Variants in TLL2 observed in about 807,000 individuals in gnomAD.
TLL2 encodes tolloid like 2.
Under a neutral mutation model 123.0 loss-of-function variants are expected in TLL2, and 106 were observed. That is an observed-to-expected ratio of 0.86 (90% confidence interval 0.74 to 1.01). TLL2 has a LOEUF of 1.01. TLL2 is among the 50% of genes least tolerant of loss of function. The pLI is 0.00. For synonymous variants in TLL2, 494 were observed against 516.8 expected, an observed-to-expected ratio of 0.96 and a Z score of 0.60; for missense variants, 1,332 against 1,336.7, an observed-to-expected ratio of 1.00 and a Z score of 0.06.
intron 3 of TLL2, among the ~76,000 whole-genome samples, chr10:96,435,318 T>G (rs192809641): frequency 1.2e-4 from 19 of 152,206 alleles, no homozygotes; most frequent in Admixed American, 7.9e-4. Context: ...GGCATGAGGC[T>G]CTTTTATTGT....
intron 10 of TLL2, among the ~76,000 whole-genome samples, chr10:96,402,585 A>G (rs1846406683): frequency 1.3e-5 from 2 of 152,266 alleles, no homozygotes; most frequent in African/African-American, 4.8e-5. Flanking sequence ...TAGGCAGGAA[A>G]CAGAAATCCA....
chr10:96,483,326 G>C (rs1047421370), intron 1 of TLL2, among the ~76,000 whole-genome samples: 2 of 152,178 alleles, frequency 1.3e-5, no homozygotes, highest in African/African-American at 4.8e-5. Flanking sequence ...AAAATGAATG[G>C]AGAGCTACTG....
rs1847307885 is a variant in TLL2 at position 96,481,097 on chromosome 10, T to C, written c.176-638A>G. On this transcript the variant is annotated intron_variant, in intron 1 of 20. Coordinates refer to ENST00000357947, the MANE Select transcript of TLL2 (RefSeq NM_012465.4). Reference sequence around the variant, plus strand: ...ACAGTGTGGCTTATCAGGATGGATATGCAGCATGGATTAAAAAATGAAAAC... The same window carrying C: ...ACAGTGTGGCTTATCAGGATGGATACGCAGCATGGATTAAAAAATGAAAAC... 3.9e-5 allele frequency among the ~76,000 whole-genome samples: 6 copies of C among 152,044 alleles called. No homozygotes were observed. The South Asian group carries it at 1.2e-3, about 31-fold the overall frequency.
intron 1 of TLL2, among the ~76,000 whole-genome samples, chr10:96,483,621 T>A (rs536692397): frequency 5.9e-5 from 9 of 152,268 alleles, no homozygotes; most frequent in Middle Eastern, 3.4e-3. Flanking sequence ...ATAGAGATGA[T>A]CACAAGATCT....
intron 16 of TLL2, among the ~76,000 whole-genome samples, chr10:96,380,730 A>G (rs1846179065): frequency 7.3e-6 from 1 of 136,540 alleles, no homozygotes; most frequent in South Asian, 2.5e-4. Context: ...AAAAGAATGC[A>G]GAAGAGAGGC....
intron 4 of TLL2, among the ~76,000 whole-genome samples, chr10:96,431,334 C>A (rs539494510): frequency 7.9e-5 from 12 of 152,250 alleles, no homozygotes; most frequent in Admixed American, 6.5e-4. Flanking sequence ...GCTGCGGGAG[C>A]GAAAGGGAAC....
chr10:96,408,512 T>C (rs1279306722), intron 9 of TLL2, among the ~76,000 whole-genome samples: 5 of 152,210 alleles, frequency 3.3e-5, no homozygotes, highest in Non-Finnish European at 7.3e-5. Context: ...CACCCTCTGC[T>C]GTGCAGAGCA....
chr10:96,513,743 C>A lies in TLL2; in HGVS notation c.-58G>T. The A allele has an allele frequency of 7.0e-7, 1 of 1,419,290 alleles. No individual in the cohort carries two copies. Among genetic ancestry groups the A allele is most frequent in the South Asian group, 1.5e-5 (1 of 68,092 alleles). 87.9% of individuals were successfully genotyped at this position (1,419,290 alleles called of 1,614,324 possible). A position where few individuals can be genotyped will look rare whatever the true frequency, so the allele number is the denominator to read the frequency against. The stretch of plus-strand genomic sequence containing the variant: ...TGCGTGCACGAAAGCTCAGCTCGGC[C>A]GAAAGACGGCGCACACTGGGTCGGT... On this transcript the variant is annotated 5_prime_UTR_variant, in exon 1 of 21. Transcript: ENST00000357947.
chr10:96,404,688 T>C (rs1846432169), intron 10 of TLL2, among the ~76,000 whole-genome samples: 1 of 152,164 alleles, frequency 6.6e-6, no homozygotes, highest in Non-Finnish European at 1.5e-5. Context: ...ATGTTATCCT[T>C]GAAGCCATCT....
At chr10:96,428,867 C>CAT in intron 4 of TLL2, 119 bp from the exon 5 acceptor site, 1 of 623,764 alleles carries the variant, frequency 1.6e-6, no homozygotes, top group Non-Finnish European at 2.7e-6. Context: ...TGCAATAGTG[C>CAT]GATCTCGGCT....
chr10:96,406,233 GC>G (rs1307450052), intron 9 of TLL2, among the ~76,000 whole-genome samples: 4 of 152,072 alleles, frequency 2.6e-5, no homozygotes, highest in Non-Finnish European at 5.9e-5. Context: ...CTGGCAGATG[GC>G]CCAGAGCAGA....
chr10:96,477,547 T>A (rs544472898), intron 2 of TLL2, among the ~76,000 whole-genome samples: 51 of 152,226 alleles, frequency 3.4e-4, no homozygotes, highest in Non-Finnish European at 5.3e-4. Flanking sequence ...CCCAGGTCAG[T>A]CTTCTCTCTG....
intron 2 of TLL2, among the ~76,000 whole-genome samples, chr10:96,448,702 C>T (rs1846924732): frequency 6.6e-6 from 1 of 152,058 alleles, no homozygotes; most frequent in Non-Finnish European, 1.5e-5. Context: ...AGGTGGATAT[C>T]TGGAGAGAAG....
chr10:96,496,317 A>G (rs1189607048), intron 1 of TLL2, among the ~76,000 whole-genome samples: 1 of 152,228 alleles, frequency 6.6e-6, no homozygotes, highest in African/African-American at 2.4e-5. Context: ...TTTGCCACCT[A>G]TGCCCTACAG....
At chr10:96,494,434 G>T (rs1272129709) in intron 1 of TLL2, among the ~76,000 whole-genome samples, 3 of 152,232 alleles carry the variant, frequency 2.0e-5, no homozygotes, top group African/African-American at 4.8e-5. Context: ...CATATGCCCT[G>T]CCCTGCCCCA....
Position 96,368,121 on chromosome 10 carries a change from G to A in TLL2, c.3015C>T (p.Thr1005=). ...KKGFHARYTS[T]KFQDALHMKK ...TCATGTGCAGGGCATCCTGGAACTT[G>A]GTGCTGGTGTATCGGGCATGAAAGC... The change falls in exon 21 of 21, where the codon ACC becomes ACT. Residue 1005 remains threonine, a synonymous_variant. Coordinates refer to ENST00000357947, the MANE Select transcript of TLL2 (RefSeq NM_012465.4). 6.2e-7 allele frequency: 1 copy of A among 1,614,226 alleles called. No individual in the cohort carries two copies. The highest frequency in any genetic ancestry group is 2.2e-5 in the East Asian group (1 of 44,892).
At chr10:96,456,191 C>A (rs183877488) in intron 2 of TLL2, among the ~76,000 whole-genome samples, 1 of 152,300 alleles carries the variant, frequency 6.6e-6, no homozygotes, top group East Asian at 1.9e-4. Flanking sequence ...GCTAGGTATT[C>A]CAGCCTCAAT....
At chr10:96,427,344 C>T (rs1241530829) in intron 5 of TLL2, among the ~76,000 whole-genome samples, 1 of 152,170 alleles carries the variant, frequency 6.6e-6, no homozygotes, top group African/African-American at 2.4e-5. Flanking sequence ...ACTCTATTAA[C>T]TGTATTTTTC....
At chr10:96,405,433 T>G in intron 9 of TLL2, 99 bp from the exon 10 acceptor site, 3 of 1,110,720 alleles carry the variant, frequency 2.7e-6, no homozygotes, top group East Asian at 4.8e-5. Flanking sequence ...CCCTTTAGCA[T>G]GCAGAACTTT....
Sources: gnomAD v4.1 joint callset for allele counts (sites outside exome capture counted in the v4.1 genomes callset) on GRCh38, gnomAD v4.1.1 for gene constraint, MANE v1.5 for transcripts, NCBI Gene and HGNC (gene_info 2026-07-23, HGNC 2026-07-21) for gene names.